OXR1: variants seen among roughly 807,000 people sequenced by gnomAD.
OXR1 encodes the protein oxidation resistance 1, also known as oxidation resistance protein 1.
Under a neutral mutation model 104.6 loss-of-function variants are expected in OXR1, and 41 were observed. The ratio of observed to expected loss-of-function variants is 0.39; its 90% CI spans 0.31 to 0.51. The LOEUF (loss-of-function observed/expected upper bound fraction) is 0.51, where lower values mean the gene tolerates loss of function less well. OXR1 is among the 20% of genes least tolerant of loss of function. The probability of loss-of-function intolerance (pLI) is 0.77; values close to 1 mark genes in which losing one functional copy is unlikely to be tolerated. For synonymous variants in OXR1, 348 were observed against 348.4 expected, an observed-to-expected ratio of 1.00 and a Z score of 0.01; for missense variants, 955 against 1,031.9, an observed-to-expected ratio of 0.93 and a Z score of 1.02.
rs531578840 is a variant in OXR1 at position 106,695,653 on chromosome 8, C to T, written c.675+2776C>T. On this transcript the variant is annotated intron_variant, in intron 7 of 16. Coordinates refer to ENST00000517566, the MANE Select transcript of OXR1 (RefSeq NM_001198533.2). ...CAGGCTGGTCTCGAACTGCTGACCT[C>T]GTGATCCGCCTGCTTCAGCCTCCCA... Among the ~76,000 whole-genome samples the T allele has an allele frequency of 6.6e-5, 10 of 152,154 alleles. No homozygotes were observed. The East Asian group carries it at 9.7e-4, about 15-fold the overall frequency.
chr8:106,498,281 G>A (rs948027418), intron 2 of OXR1, among the ~76,000 whole-genome samples: 5 of 152,032 alleles, frequency 3.3e-5, no homozygotes, highest in Non-Finnish European at 7.4e-5. Flanking sequence ...GAGGTTTATT[G>A]CCTAGATAAT....
At chr8:106,319,579 A>G (rs1008849795) in intron 1 of OXR1, among the ~76,000 whole-genome samples, 1 of 152,184 alleles carries the variant, frequency 6.6e-6, no homozygotes, top group Admixed American at 6.5e-5. Flanking sequence ...GTGAAATATG[A>G]CAGTTTGCAG....
intron 2 of OXR1, among the ~76,000 whole-genome samples, chr8:106,404,168 G>C (rs1429518892): frequency 5.9e-5 from 9 of 152,104 alleles, no homozygotes; most frequent in Admixed American, 3.3e-4. Flanking sequence ...GCTACCACTG[G>C]GTGTGGAGAT....
intron 2 of OXR1, among the ~76,000 whole-genome samples, chr8:106,378,437 G>A (rs752413808): frequency 4.6e-5 from 7 of 152,188 alleles, no homozygotes; most frequent in Non-Finnish European, 1.0e-4. Flanking sequence ...TCTTCAAGGA[G>A]CAGGACTCTA....
intron 2 of OXR1, among the ~76,000 whole-genome samples, chr8:106,450,549 G>C (rs962194756): frequency 6.6e-6 from 1 of 152,142 alleles, no homozygotes; most frequent in Non-Finnish European, 1.5e-5. Context: ...ACATTGCCTA[G>C]GACATTCTCC....
intron 3 of OXR1, among the ~76,000 whole-genome samples, chr8:106,645,359 A>C (rs1823988925): frequency 6.6e-6 from 1 of 152,192 alleles, no homozygotes; most frequent in African/African-American, 2.4e-5. Flanking sequence ...CTTGGCACCC[A>C]TATGAGTCTG....
intron 2 of OXR1, among the ~76,000 whole-genome samples, chr8:106,363,106 G>T (rs1469717222): frequency 6.6e-6 from 1 of 152,210 alleles, no homozygotes; most frequent in Non-Finnish European, 1.5e-5. Flanking sequence ...GGAGAAAGAA[G>T]TCACTGGATG....
chr8:106,673,549 GA>G (rs1407682742), intron 3 of OXR1, among the ~76,000 whole-genome samples: 1 of 152,200 alleles, frequency 6.6e-6, no homozygotes, highest in East Asian at 1.9e-4. Flanking sequence ...TTTCTGAGGA[GA>G]AATTCAAGCC....
At chr8:106,276,999 G>A (rs1262659284) in intron 1 of OXR1, among the ~76,000 whole-genome samples, 2 of 152,086 alleles carry the variant, frequency 1.3e-5, no homozygotes, top group Non-Finnish European at 2.9e-5. Flanking sequence ...CTGTTATTAA[G>A]TTTATAGATG....
At chr8:106,295,067 A>G (rs1812935050) in intron 1 of OXR1, among the ~76,000 whole-genome samples, 1 of 152,228 alleles carries the variant, frequency 6.6e-6, no homozygotes. Flanking sequence ...AGAATATTGT[A>G]GATATTTAAT....
chr8:106,539,996 A>G (rs1814829146), intron 3 of OXR1, among the ~76,000 whole-genome samples: 1 of 152,150 alleles, frequency 6.6e-6, no homozygotes, highest in African/African-American at 2.4e-5. Flanking sequence ...AATTGACTCA[A>G]ATGGAAAAGT....
chr8:106,302,634 T>C (rs2130094588), intron 1 of OXR1, among the ~76,000 whole-genome samples: 1 of 150,878 alleles, frequency 6.6e-6, no homozygotes, highest in African/African-American at 2.4e-5. Context: ...CTAGGTATAA[T>C]ATAATGACAG....
rs1156381000 is a variant in OXR1 at position 106,671,051 on chromosome 8, A to AACAAAAACAAAAAC, written c.221-8158_221-8157insCAAAAACAAAAACA. On this transcript the variant is annotated intron_variant, in intron 3 of 16. Transcript: ENST00000517566. ...CAGAGTGAGACTCTGTCTCAAAAAA[A>AACAAAAACAAAAAC]AAAAAAAAAAAAGAATGGCTGAAAA... 1.8e-4 allele frequency among the ~76,000 whole-genome samples: 27 copies of AACAAAAACAAAAAC among 149,916 alleles called. 1 individual carries two copies. Among genetic ancestry groups the AACAAAAACAAAAAC allele is most frequent in the African/African-American group, 6.4e-4 (26 of 40,460 alleles).
chr8:106,615,738 T>C (rs564716926), intron 3 of OXR1, among the ~76,000 whole-genome samples: 8 of 152,344 alleles, frequency 5.3e-5, no homozygotes, highest in African/African-American at 1.9e-4. Flanking sequence ...AAAACATTTC[T>C]GTTCTCTCCT....
chr8:106,697,938 A>G, intron 7 of OXR1: 3 of 1,612,294 alleles, frequency 1.9e-6, no homozygotes, highest in Non-Finnish European at 2.5e-6. Context: ...TCTGCTCCAG[A>G]TCTGCATCAT....
At chr8:106,448,477 T>A (rs1259017996) in intron 2 of OXR1, among the ~76,000 whole-genome samples, 1 of 150,396 alleles carries the variant, frequency 6.6e-6, no homozygotes, top group African/African-American at 2.5e-5. Flanking sequence ...TTAAAATATA[T>A]TAAGCACATA....
rs199993693 is a variant in OXR1, at chr8:106,585,864, A to G, written c.220+66725A>G. Reference sequence around the variant, plus strand: ...GCCTTGAGATGGGAGCTTGCTTTGCATATTTCAGAAATATCCAGGTACATG... The same window carrying G: ...GCCTTGAGATGGGAGCTTGCTTTGCGTATTTCAGAAATATCCAGGTACATG... On this transcript the variant is annotated intron_variant, in intron 3 of 16. Coordinates refer to ENST00000517566, the MANE Select transcript of OXR1 (RefSeq NM_001198533.2). 1.5e-4 allele frequency among the ~76,000 whole-genome samples: 23 copies of G among 152,312 alleles called. 1 individual carries two copies. In the East Asian group the frequency reaches 2.9e-3, roughly 19 times the overall value.
intron 3 of OXR1, among the ~76,000 whole-genome samples, chr8:106,581,978 C>T (rs1204149686): frequency 5.1e-5 from 7 of 138,010 alleles, no homozygotes; most frequent in East Asian, 2.2e-4. Context: ...AAACTGAGGT[C>T]GCACCACTGC....
At chr8:106,382,690 T>TG (rs1170055862) in intron 2 of OXR1, among the ~76,000 whole-genome samples, 1 of 137,344 alleles carries the variant, frequency 7.3e-6, no homozygotes, top group Admixed American at 7.1e-5. Flanking sequence ...AGGTTTTTTT[T>TG]TTTTTTTTTT....
Sources: gnomAD v4.1 joint callset for allele counts (sites outside exome capture counted in the v4.1 genomes callset) on GRCh38, gnomAD v4.1.1 for gene constraint, MANE v1.5 for transcripts, NCBI Gene and HGNC (gene_info 2026-07-23, HGNC 2026-07-21) for gene names.